BMAL2: variants seen among roughly 807,000 people sequenced by gnomAD.
BMAL2 encodes basic helix-loop-helix ARNT like 2.
chr12:27,408,780 A>G, the BMAL2 span, among the ~76,000 whole-genome samples: 4 of 152,216 alleles, frequency 2.6e-5, no homozygotes, highest in South Asian at 2.1e-4. Context: ...AAGGTATTCA[A>G]TTAGGAGAAG....
the BMAL2 span, among the ~76,000 whole-genome samples, chr12:27,420,019 G>GCGCGCGCACA: frequency 2.0e-5 from 3 of 147,478 alleles, no homozygotes; most frequent in Admixed American, 6.8e-5. Context: ...GTTTGCGCGT[G>GCGCGCGCACA]CACACACACA....
the BMAL2 span, among the ~76,000 whole-genome samples, chr12:27,336,078 G>A: frequency 6.6e-6 from 1 of 152,148 alleles, no homozygotes; most frequent in East Asian, 1.9e-4. Flanking sequence ...CATTCTGGTA[G>A]CCCTAGTTTT....
At chr12:27,378,610 C>T in the BMAL2 span, among the ~76,000 whole-genome samples, 1 of 152,264 alleles carries the variant, frequency 6.6e-6, no homozygotes, top group Non-Finnish European at 1.5e-5. Flanking sequence ...AGACATGAGG[C>T]AGATCAGGGA....
the BMAL2 span, chr12:27,423,431 G>C: frequency 6.9e-6 from 1 of 144,866 alleles, no homozygotes; most frequent in Non-Finnish European, 1.5e-5. Context: ...CTGGGTTCAC[G>C]CCATTCTGCC....
the BMAL2 span, chr12:27,423,143 TG>T: frequency 6.6e-6 from 1 of 152,226 alleles, no homozygotes; most frequent in Non-Finnish European, 1.5e-5. Context: ...TCCTTCAAAA[TG>T]TTTTAGTTTT....
the BMAL2 span, among the ~76,000 whole-genome samples, chr12:27,406,610 G>A: frequency 6.6e-6 from 1 of 152,316 alleles, no homozygotes; most frequent in Admixed American, 6.5e-5. Context: ...AACATGGAAA[G>A]GAACAACCAG....
At chr12:27,423,062 A>G in the BMAL2 span, 1 of 152,232 alleles carries the variant, frequency 6.6e-6, no homozygotes, top group African/African-American at 2.4e-5. Flanking sequence ...TTTTCTGTAG[A>G]TCCTTTTGTC....
the BMAL2 span, among the ~76,000 whole-genome samples, chr12:27,359,841 T>C: frequency 2.6e-5 from 4 of 152,100 alleles, no homozygotes; most frequent in African/African-American, 7.2e-5. Flanking sequence ...GTTTATTCCA[T>C]GAACTGAACA....
chr12:27,335,155 G>A, the BMAL2 span, among the ~76,000 whole-genome samples: 6 of 152,186 alleles, frequency 3.9e-5, no homozygotes, highest in Admixed American at 2.6e-4. Context: ...CAGGCCTCTG[G>A]GCCAGTTGGT....
the BMAL2 span, among the ~76,000 whole-genome samples, chr12:27,399,554 ATAAAG>A: frequency 6.6e-6 from 1 of 152,240 alleles, no homozygotes; most frequent in Non-Finnish European, 1.5e-5. Context: ...ACTGTGACAC[ATAAAG>A]TATTCTCTAA....
chr12:27,344,836 ACAC>A, the BMAL2 span, among the ~76,000 whole-genome samples: 3 of 152,208 alleles, frequency 2.0e-5, no homozygotes, highest in Non-Finnish European at 4.4e-5. Flanking sequence ...GGGATAGTAA[ACAC>A]CATAGACCTG....
At chr12:27,354,587 A>C in the BMAL2 span, among the ~76,000 whole-genome samples, 7 of 152,216 alleles carry the variant, frequency 4.6e-5, no homozygotes, top group East Asian at 7.7e-4. Flanking sequence ...TTTAAAAAAA[A>C]CCCAAAACAC....
chr12:27,351,782 G>A, the BMAL2 span, among the ~76,000 whole-genome samples: 3 of 151,162 alleles, frequency 2.0e-5, no homozygotes, highest in Non-Finnish European at 4.5e-5. Flanking sequence ...CGCCTTCAGT[G>A]GTGTGGCATG....
the BMAL2 span, among the ~76,000 whole-genome samples, chr12:27,347,352 G>T: frequency 1.3e-5 from 2 of 152,042 alleles, no homozygotes; most frequent in South Asian, 2.1e-4. Context: ...CCCTTCATTT[G>T]CCCATACCAC....
At chr12:27,406,725 C>G in the BMAL2 span, among the ~76,000 whole-genome samples, 6 of 152,174 alleles carry the variant, frequency 3.9e-5, no homozygotes, top group African/African-American at 1.2e-4. Flanking sequence ...ATGACAGGAT[C>G]AAATTCCCAC....
At chr12:27,403,520 A>T in the BMAL2 span, 2 of 1,601,646 alleles carry the variant, frequency 1.2e-6, no homozygotes, top group Non-Finnish European at 1.7e-6. Flanking sequence ...GATATTGCAA[A>T]TGAAATTCTG....
At chr12:27,378,207 T>G in the BMAL2 span, among the ~76,000 whole-genome samples, 1 of 152,236 alleles carries the variant, frequency 6.6e-6, no homozygotes, top group Non-Finnish European at 1.5e-5. Flanking sequence ...TGGAAATTTC[T>G]TATCATCAGT....
the BMAL2 span, among the ~76,000 whole-genome samples, chr12:27,395,481 G>A: frequency 3.9e-5 from 6 of 152,096 alleles, no homozygotes; most frequent in Admixed American, 2.0e-4. Context: ...GAACTGCATA[G>A]CCCTGCTATG....
the BMAL2 span, chr12:27,370,009 C>T: frequency 1.4e-6 from 1 of 704,086 alleles, no homozygotes. Flanking sequence ...TCCACTTCAC[C>T]CAGCTTCCTA....
Sources: allele counts gnomAD v4.1 joint callset (sites outside exome capture counted in the v4.1 genomes callset), GRCh38; gene constraint gnomAD v4.1.1; transcripts MANE v1.5; gene names NCBI Gene and HGNC (gene_info 2026-07-23, HGNC 2026-07-21).